The following NEMP1 variants were observed in gnomAD, a reference collection of about 807,000 sequenced individuals.
The protein encoded by NEMP1 is nuclear envelope integral membrane protein 1.
Under a neutral mutation model 53.7 loss-of-function variants are expected in NEMP1, and 29 were observed. The observed-to-expected ratio is 0.54, with a 90% CI of 0.40 to 0.74. The LOEUF is 0.74. Among genes scored for constraint, NEMP1 ranks in the 30% least tolerant of loss-of-function variants. NEMP1 has a pLI of 0.00. For synonymous variants in NEMP1, 193 were observed against 192.9 expected (o/e 1.00, Z 0.00); for missense variants, 477 against 528.6 (o/e 0.90, Z 0.96).
intron 1 of NEMP1, among the ~76,000 whole-genome samples, chr12:57,087,705 C>A (rs1024064219): frequency 2.2e-4 from 33 of 152,140 alleles, no homozygotes; most frequent in Admixed American, 2.2e-3. Flanking sequence ...ATTGTAAAAC[C>A]AGCCCCGGTC....
intron 1 of NEMP1, among the ~76,000 whole-genome samples, chr12:57,084,868 GTTTAT>G (rs1390822692): frequency 9.9e-5 from 15 of 152,178 alleles, no homozygotes; most frequent in African/African-American, 1.2e-4. Flanking sequence ...CAAAATGGTA[GTTTAT>G]TTTGTTTTTT....
intron 4 of NEMP1, among the ~76,000 whole-genome samples, chr12:57,067,795 A>G (rs557306448): frequency 2.2e-4 from 33 of 152,048 alleles, no homozygotes; most frequent in Non-Finnish European, 4.0e-4. Context: ...CGACCTGAAT[A>G]TTATTATTTT....
upstream of NEMP1, among the ~76,000 whole-genome samples, chr12:57,082,327 CTAA>C (rs1274394182): frequency 3.9e-4 from 60 of 152,326 alleles, no homozygotes; most frequent in African/African-American, 1.4e-3. Flanking sequence ...ATGTACCATA[CTAA>C]TGTCAGATAA....
upstream of NEMP1, among the ~76,000 whole-genome samples, chr12:57,079,241 G>A (rs1437146989): frequency 1.3e-5 from 2 of 152,116 alleles, no homozygotes. Context: ...TTTTAAAGTC[G>A]ACTGACAAAA....
At chr12:57,078,574 C>T in intron 1 of NEMP1, 45 bp downstream of exon 1, 1 of 1,576,678 alleles carries the variant, frequency 6.3e-7, no homozygotes, top group Non-Finnish European at 8.6e-7. Flanking sequence ...CCAAAAATAA[C>T]CCCCTCGGCA....
intron 1 of NEMP1, among the ~76,000 whole-genome samples, chr12:57,086,680 T>G (rs1055059446): frequency 6.6e-6 from 1 of 151,686 alleles, no homozygotes. Context: ...GTGGCAGGAG[T>G]GGGCGGGAAG....
At chr12:57,061,777 G>A (rs1157147998) in intron 7 of NEMP1, among the ~76,000 whole-genome samples, 9 of 151,226 alleles carry the variant, frequency 6.0e-5, no homozygotes, top group Admixed American at 2.6e-4. Context: ...AAGGTGGGCA[G>A]ATCACAAGGT....
At chr12:57,073,505 G>A (rs566829432) in intron 1 of NEMP1, among the ~76,000 whole-genome samples, 6 of 152,000 alleles carry the variant, frequency 3.9e-5, no homozygotes, top group African/African-American at 1.4e-4. Flanking sequence ...TTAGCCAGGC[G>A]TGGTGGCACA....
At chr12:57,062,366 A>T (rs986556083) in intron 7 of NEMP1, among the ~76,000 whole-genome samples, 1 of 151,804 alleles carries the variant, frequency 6.6e-6, no homozygotes, top group African/African-American at 2.4e-5. Flanking sequence ...CGTAGTCCCA[A>T]CTATTCGGGA....
At chr12:57,068,314 A>G (rs181906820) in intron 4 of NEMP1, among the ~76,000 whole-genome samples, 6 of 152,072 alleles carry the variant, frequency 3.9e-5, no homozygotes, top group Admixed American at 3.9e-4. Context: ...ACCTGTCTTA[A>G]CTAGTAGGTT....
chr12:57,076,090 A>G (rs1239247322), intron 1 of NEMP1, among the ~76,000 whole-genome samples: 2 of 152,182 alleles, frequency 1.3e-5, no homozygotes, highest in Non-Finnish European at 2.9e-5. Context: ...TCCATCTCAA[A>G]AAAATAAATA....
In NEMP1 at chr12:57,070,771, A is replaced by T; in HGVS notation, c.375T>A (p.Asn125Lys). The T allele has an allele frequency of 6.2e-7, 1 of 1,609,390 alleles. No homozygotes were observed. The highest frequency in any genetic ancestry group is 1.7e-5 in the Admixed American group (1 of 59,728). Residue 125 changes from asparagine (N) to lysine (K), a missense_variant, in exon 3 of 9, where the codon AAT (asparagine) becomes AAA (lysine). Coordinates refer to ENST00000300128, the MANE Select transcript of NEMP1 (RefSeq NM_001130963.2). ...ATAGACCCACGTTAACATAGGTGTC[A>T]TTCAATTTCTCTTTTAAAAAGGAGG... is the stretch of plus-strand genomic sequence containing the variant. The part of the protein sequence containing the change: ...FFSSFLKEKL[N>K]DTYVNVGLYS...
chr12:57,088,255 G>A (rs777007924), upstream of NEMP1, among the ~76,000 whole-genome samples: 1 of 152,154 alleles, frequency 6.6e-6, no homozygotes, highest in Non-Finnish European at 1.5e-5. Context: ...ATCAACACGC[G>A]CACCTAAGTG....
chr12:57,073,393 A>C lies in NEMP1; in HGVS notation c.128-481T>G, dbSNP rs537680630. 4.6e-5 allele frequency among the ~76,000 whole-genome samples: 7 copies of C among 151,958 alleles called. No individual in the cohort carries two copies. The South Asian group carries it at 1.5e-3, about 32-fold the overall frequency. On this transcript the variant is annotated intron_variant, in intron 1 of 8. Coordinates refer to ENST00000300128, the MANE Select transcript of NEMP1 (RefSeq NM_001130963.2). ...GGTGGCTCATGCCTGTAATCCCAGC[A>C]CTTTGGGAGGCTGAGGTGGGCGGAT...
intron 7 of NEMP1, among the ~76,000 whole-genome samples, chr12:57,061,921 C>T (rs1565656657): frequency 6.6e-6 from 1 of 151,942 alleles, no homozygotes; most frequent in Non-Finnish European, 1.5e-5. Flanking sequence ...ATCGCTTAAA[C>T]CCAGGAGGCA....
intron 4 of NEMP1, among the ~76,000 whole-genome samples, 164 bp downstream of exon 4, chr12:57,069,070 A>AC (rs2032226535): frequency 6.6e-6 from 1 of 152,224 alleles, no homozygotes; most frequent in South Asian, 2.1e-4. Flanking sequence ...AAGAAAAAAC[A>AC]AAAATCATAA....
intron 7 of NEMP1, 104 bp from the exon 8 acceptor site, chr12:57,061,049 C>A: frequency 8.7e-7 from 1 of 1,144,214 alleles, no homozygotes; most frequent in Non-Finnish European, 1.2e-6. Flanking sequence ...ACAGCCTGAA[C>A]ATTAAGAGTC....
At position 57,056,405 on chromosome 12, in the gene NEMP1, G is replaced by A. The variant is rs1025890452; in HGVS notation, c.*3474C>T. The A allele has an allele frequency of 6.6e-6, 1 of 152,196 alleles. No homozygotes were observed. The highest frequency in any genetic ancestry group is 1.5e-5 in the Non-Finnish European group (1 of 68,036). The allele number at this position is 152,196 out of a possible 1,614,324, so 9.4% of individuals were successfully genotyped here. On this transcript the variant is annotated 3_prime_UTR_variant, in exon 9 of 9. Coordinates refer to ENST00000300128, the MANE Select transcript of NEMP1 (RefSeq NM_001130963.2). The stretch of plus-strand genomic sequence containing the variant: ...TTTAGGTGCCTTTGCCTTGTGCAAT[G>A]GATATTTCATATGTTTATTAATTGG...
At chr12:57,083,355 A>C (rs956311527), upstream of NEMP1, among the ~76,000 whole-genome samples, 13 of 152,242 alleles carry the variant, frequency 8.5e-5, no homozygotes, top group African/African-American at 3.1e-4. Context: ...TGTTTTAATG[A>C]GGACACTGCT....
Sources: allele counts gnomAD v4.1 joint callset (sites outside exome capture counted in the v4.1 genomes callset), GRCh38; gene constraint gnomAD v4.1.1; transcripts MANE v1.5; gene names NCBI Gene and HGNC (gene_info 2026-07-23, HGNC 2026-07-21).